PITPNM2: variants seen among roughly 807,000 people sequenced by gnomAD.
The protein encoded by PITPNM2 is membrane-associated phosphatidylinositol transfer protein 2.
In PITPNM2, 35 loss-of-function variants were observed where a neutral mutation model predicts 132.2. The ratio of observed to expected loss-of-function variants is 0.26; its 90% CI spans 0.20 to 0.35. The LOEUF is 0.35. Ranked by LOEUF, PITPNM2 falls within the 10% of genes least tolerant of loss-of-function variation. PITPNM2 has a pLI of 1.00. For synonymous variants in PITPNM2, 738 were observed against 799.2 expected, an observed-to-expected ratio of 0.92 and a Z score of 1.29; for missense variants, 1,332 against 1,912.0, an observed-to-expected ratio of 0.70 and a Z score of 5.66.
In PITPNM2 at chr12:122,992,986, T is replaced by C. The variant is rs1301807327; in HGVS notation, c.2234-317A>G. On this transcript the variant is annotated intron_variant, in intron 15 of 25. Transcript: ENST00000320201. This position sits in a 1 kb window ranked among gnomAD's most constrained non-coding sequence, Gnocchi z 6.5. ...GACCACAGGTGTGCACCACCACACCTGGCTTTTTTATTTTATTTTTTGTAG... is the reference window on the plus strand; with the variant it reads ...GACCACAGGTGTGCACCACCACACCCGGCTTTTTTATTTTATTTTTTGTAG... Among the ~76,000 whole-genome samples the C allele has an allele frequency of 6.6e-6, 1 of 152,102 alleles. No individual in the cohort carries two copies. The highest frequency in any genetic ancestry group is 1.9e-4 in the East Asian group (1 of 5,198).
At chr12:123,066,191 G>A (rs1016370513) in intron 2 of PITPNM2, among the ~76,000 whole-genome samples, 4 of 152,222 alleles carry the variant, frequency 2.6e-5, no homozygotes, top group South Asian at 2.1e-4. Context: ...ATGTATCCGA[G>A]AGGAGCTCAG....
intron 2 of PITPNM2, among the ~76,000 whole-genome samples, chr12:123,061,824 G>A (rs2041245244): frequency 6.6e-6 from 1 of 152,194 alleles, no homozygotes; most frequent in South Asian, 2.1e-4. Flanking sequence ...ACAAAGTTAT[G>A]CCATCTCCCT....
At chr12:123,113,209 C>T (rs753649108) in intron 1 of PITPNM2, among the ~76,000 whole-genome samples, 1 of 152,206 alleles carries the variant, frequency 6.6e-6, no homozygotes, top group Non-Finnish European at 1.5e-5. Flanking sequence ...TTAAACACTG[C>T]TGTCTCCAGC....
At chr12:123,065,119 G>C (rs528702816) in intron 2 of PITPNM2, among the ~76,000 whole-genome samples, 15 of 152,348 alleles carry the variant, frequency 9.8e-5, no homozygotes, top group African/African-American at 3.4e-4. Flanking sequence ...ACAAGGCCCT[G>C]TCCATCCTTG....
chr12:123,081,522 T>A (rs571137808), intron 2 of PITPNM2: 1 of 152,358 alleles, frequency 6.6e-6, no homozygotes, highest in East Asian at 1.9e-4. Context: ...GAGTTTCACA[T>A]AGCCACGAAG....
chr12:123,080,070 C>T (rs1435440147), intron 2 of PITPNM2, among the ~76,000 whole-genome samples: 2 of 152,206 alleles, frequency 1.3e-5, no homozygotes, highest in African/African-American at 2.4e-5. Flanking sequence ...ATCCTGTTTT[C>T]GAGGTCCATC....
chr12:122,985,772 CTGAGT>C lies in PITPNM2; in HGVS notation c.*250_*254del. 1 of 398,874 alleles carries C rather than the reference CTGAGT, an allele frequency of 2.5e-6. No individual in the cohort carries two copies. The highest frequency in any genetic ancestry group is 4.4e-6 in the Non-Finnish European group (1 of 227,176). 24.7% of individuals were successfully genotyped at this position (398,874 alleles called of 1,614,324 possible). ...GTCTGGGAGAACCTCCCGGGCCAGT[CTGAGT>C]GGGAGGTTCTGGTCCCTCTGCCATC... On this transcript the variant is annotated 3_prime_UTR_variant, in exon 26 of 26. Coordinates refer to ENST00000320201, the MANE Select transcript of PITPNM2 (RefSeq NM_020845.3).
Position 123,105,985 on chromosome 12 carries a change from C to G in PITPNM2, c.-96+4400G>C, listed in dbSNP as rs74479260. Among the ~76,000 whole-genome samples the G allele has an allele frequency of 5.1e-3, 780 of 152,284 alleles. 9 individuals carry two copies. The highest frequency in any genetic ancestry group is 0.018 in the African/African-American group (728 of 41,538). On this transcript the variant is annotated intron_variant, in intron 2 of 25. Coordinates refer to ENST00000320201, the MANE Select transcript of PITPNM2 (RefSeq NM_020845.3). ...AGGCCAGCTTCCTTCCTGGCCCTGC[C>G]TGTCCTGAAGAGCACAAGTGAAACA...
At chr12:122,986,953 G>C in intron 23 of PITPNM2, 124 bp from the exon 24 acceptor site, 2 of 1,248,034 alleles carry the variant, frequency 1.6e-6, no homozygotes, top group South Asian at 1.5e-5. Context: ...AGACAGTAAC[G>C]ACGACAATGG....
At chr12:123,120,661 C>A (rs1487487817) in intron 1 of PITPNM2, among the ~76,000 whole-genome samples, 4 of 152,152 alleles carry the variant, frequency 2.6e-5, no homozygotes, top group African/African-American at 9.7e-5. Flanking sequence ...GGATGATGAC[C>A]TTTGCTGGTA....
Position 122,994,313 on chromosome 12 carries a change from G to A in PITPNM2, c.2233+488C>T, listed in dbSNP as rs1258330103. Reference sequence around the variant, plus strand: ...CTGGAGCTTTGCAGGCTGATCCCAGGGCACAGGGCAGGGACTGCTGCTCCA... The same window carrying A: ...CTGGAGCTTTGCAGGCTGATCCCAGAGCACAGGGCAGGGACTGCTGCTCCA... On this transcript the variant is annotated intron_variant, in intron 15 of 25. Transcript: ENST00000320201. The surrounding 1 kb of genome is among the most constrained non-coding windows in gnomAD (Gnocchi z 5.4). Among the ~76,000 whole-genome samples, 2 of 152,250 alleles carry A rather than the reference G, an allele frequency of 1.3e-5. No individual in the cohort carries two copies. The highest frequency in any genetic ancestry group is 2.9e-5 in the Non-Finnish European group (2 of 68,044).
chr12:123,012,815 G>A, intron 4 of PITPNM2, 81 bp from the exon 5 acceptor site: 3 of 1,556,598 alleles, frequency 1.9e-6, no homozygotes, highest in Middle Eastern at 1.9e-4. Context: ...GACCCACTGG[G>A]TAGGAGTGGA....
chr12:123,132,020 T>C (rs2043274514), intron 1 of PITPNM2, among the ~76,000 whole-genome samples: 1 of 152,264 alleles, frequency 6.6e-6, no homozygotes, highest in Admixed American at 6.5e-5. Flanking sequence ...ATGAGGCCTG[T>C]TGGGTTCTCA....
At chr12:123,104,354 T>C (rs1286999893) in intron 2 of PITPNM2, among the ~76,000 whole-genome samples, 2 of 152,182 alleles carry the variant, frequency 1.3e-5, no homozygotes, top group Non-Finnish European at 2.9e-5. Flanking sequence ...CTTGCACCTA[T>C]ACGCCCAGAC....
chr12:122,987,461 C>G, intron 22 of PITPNM2, 31 bp from the exon 23 acceptor site: 1 of 1,611,816 alleles, frequency 6.2e-7, no homozygotes, highest in Non-Finnish European at 8.5e-7. Context: ...TCATCAGAAC[C>G]ACCCAGAGCC....
intron 1 of PITPNM2, among the ~76,000 whole-genome samples, chr12:123,124,065 C>A (rs868010613): frequency 6.6e-6 from 1 of 152,018 alleles, no homozygotes; most frequent in Non-Finnish European, 1.5e-5. Context: ...ACCACCCTGG[C>A]TAACACGGTG....
chr12:123,138,401 T>G (rs1372368048), intron 1 of PITPNM2, among the ~76,000 whole-genome samples: 1 of 152,188 alleles, frequency 6.6e-6, no homozygotes, highest in Non-Finnish European at 1.5e-5. Flanking sequence ...TAAGCTGTGT[T>G]GGTGTCACTG....
chr12:122,988,799 G>A lies in PITPNM2; in HGVS notation c.2805C>T (p.Pro935=), dbSNP rs1455365304. 6.3e-7 allele frequency: 1 copy of A among 1,585,254 alleles called. No homozygotes were observed. Among genetic ancestry groups the A allele is most frequent in the Non-Finnish European group, 8.6e-7 (1 of 1,165,810 alleles). Residue 935 remains proline, a synonymous_variant, in exon 19 of 26, where the codon CCC becomes CCT. Coordinates refer to ENST00000320201, the MANE Select transcript of PITPNM2 (RefSeq NM_020845.3). The part of the protein sequence containing the change: ...LYCPDALTAF[P]TVALPHLFHA... ...GGAAGAGGTGAGGCAGAGCCACCGT[G>A]GGGAAGGCCGTGAGGGCGTCAGGGC...
In PITPNM2 at chr12:123,095,215, G is replaced by C. The variant is rs560502913; in HGVS notation, c.-96+15170C>G. On this transcript the variant is annotated intron_variant, in intron 2 of 25. Coordinates refer to ENST00000320201, the MANE Select transcript of PITPNM2 (RefSeq NM_020845.3). The surrounding 1 kb of genome is among the most constrained non-coding windows in gnomAD (Gnocchi z 5.0). Reference sequence around the variant, plus strand: ...AATGGGCTGCTCCCCTGGGGAGTCGGTTATCTCTGCTCCAGACCCTGGCTT... The same window carrying C: ...AATGGGCTGCTCCCCTGGGGAGTCGCTTATCTCTGCTCCAGACCCTGGCTT... 3.3e-5 allele frequency among the ~76,000 whole-genome samples: 5 copies of C among 152,280 alleles called. No individual in the cohort carries two copies. The East Asian group carries it at 9.7e-4, about 30-fold the overall frequency.
Sources: gnomAD v4.1 joint callset for allele counts (sites outside exome capture counted in the v4.1 genomes callset) on GRCh38, gnomAD v4.1.1 for gene constraint, Gnocchi (gnomAD v3.1) non-coding constraint, MANE v1.5 for transcripts, NCBI Gene and HGNC (gene_info 2026-07-23, HGNC 2026-07-21) for gene names.